Variants in RFC3 observed in about 807,000 individuals in gnomAD.
RFC3 encodes A1 38 kDa subunit.
In RFC3, 41 loss-of-function variants were observed where a neutral mutation model predicts 45.1. That is an observed-to-expected ratio of 0.91 (90% CI 0.71 to 1.18). The LOEUF (loss-of-function observed/expected upper bound fraction) is 1.18, where lower values mean the gene tolerates loss of function less well. Ranked by LOEUF, RFC3 falls within the 50% of genes most tolerant of loss-of-function variation. The pLI, the probability that RFC3 is intolerant of heterozygous loss-of-function variation, is 0.00. For missense variants in RFC3, 423 were observed against 428.1 expected, an observed-to-expected ratio of 0.99 and a Z score of 0.10; for synonymous variants, 149 against 144.0, an observed-to-expected ratio of 1.03 and a Z score of -0.25.
At chr13:33,946,560 T>G (rs2082955719) in intron 8 of RFC3, among the ~76,000 whole-genome samples, 1 of 152,236 alleles carries the variant, frequency 6.6e-6, no homozygotes, top group African/African-American at 2.4e-5. Flanking sequence ...AAAATACTTT[T>G]AAGCATATAA....
chr13:33,951,150 C>T (rs1394862718), intron 8 of RFC3, among the ~76,000 whole-genome samples: 1 of 139,600 alleles, frequency 7.2e-6, no homozygotes, highest in Non-Finnish European at 1.5e-5. Flanking sequence ...TTGGTCTTGT[C>T]ATTCTAACTA....
chr13:33,897,934 C>A (rs1593675685), intron 8 of RFC3, among the ~76,000 whole-genome samples: 1 of 151,848 alleles, frequency 6.6e-6, no homozygotes, highest in South Asian at 2.1e-4. Context: ...TAACAATTGC[C>A]TGTATCAAAA....
chr13:33,951,294 G>T (rs1244582187), intron 8 of RFC3, among the ~76,000 whole-genome samples: 5 of 149,570 alleles, frequency 3.3e-5, no homozygotes, highest in South Asian at 2.1e-4. Context: ...GTGCAGTGGC[G>T]CGATCTCGGG....
downstream of RFC3, among the ~76,000 whole-genome samples, chr13:33,970,427 T>A (rs1222607453): frequency 6.6e-6 from 1 of 152,260 alleles, no homozygotes. Flanking sequence ...CAGAATGCTT[T>A]ATGTCCCTTT....
chr13:33,853,517 G>T (rs1381614798), intron 8 of RFC3, among the ~76,000 whole-genome samples: 2 of 152,158 alleles, frequency 1.3e-5, no homozygotes, highest in African/African-American at 4.8e-5. Context: ...GTGGTTAAAA[G>T]ATGGTACTTC....
intron 8 of RFC3, among the ~76,000 whole-genome samples, chr13:33,960,895 C>T (rs74921657): frequency 2.0e-5 from 3 of 152,242 alleles, no homozygotes; most frequent in African/African-American, 7.2e-5. Flanking sequence ...ATGATCTGAT[C>T]CCCCCCTCTT....
chr13:33,820,156 G>C (rs2081988769), intron 1 of RFC3, among the ~76,000 whole-genome samples: 1 of 152,116 alleles, frequency 6.6e-6, no homozygotes, highest in African/African-American at 2.4e-5. Flanking sequence ...CATAGCACTG[G>C]TTCCCAAACC....
intron 8 of RFC3, among the ~76,000 whole-genome samples, chr13:33,859,013 C>G (rs2082324291): frequency 6.6e-6 from 1 of 152,338 alleles, no homozygotes; most frequent in South Asian, 2.1e-4. Context: ...CCTTCTCTCC[C>G]TGACTTCTGG....
At chr13:33,959,115 T>C (rs1357994516) in intron 8 of RFC3, among the ~76,000 whole-genome samples, 2 of 152,142 alleles carry the variant, frequency 1.3e-5, no homozygotes, top group African/African-American at 2.4e-5. Context: ...ATCCACAGAG[T>C]GCCCTTTGGT....
At chr13:33,883,402 A>C (rs915621243) in intron 8 of RFC3, among the ~76,000 whole-genome samples, 1 of 152,236 alleles carries the variant, frequency 6.6e-6, no homozygotes, top group African/African-American at 2.4e-5. Context: ...AGGGTTATTA[A>C]AATGCCACAT....
chr13:33,829,568 A>G (rs908448930), intron 4 of RFC3: 53 of 379,222 alleles, frequency 1.4e-4, no homozygotes, highest in Non-Finnish European at 6.1e-5. Flanking sequence ...TCACAATATT[A>G]AAAACTCAGA....
intron 8 of RFC3, among the ~76,000 whole-genome samples, chr13:33,941,857 T>G (rs2082926314): frequency 6.6e-6 from 1 of 152,174 alleles, no homozygotes; most frequent in African/African-American, 2.4e-5. Context: ...TGTTATCAAT[T>G]GAGGACACTG....
chr13:33,957,254 G>A lies in RFC3; in HGVS notation c.880-8833G>A, dbSNP rs114750131. The stretch of plus-strand genomic sequence containing the variant: ...AAGCTGAAGATAGTAATTTATTTGC[G>A]TCAATTTTCCCAGAACCTCATTGGA... On this transcript the variant is annotated intron_variant, in intron 8 of 8. Coordinates refer to the RFC3 transcript ENST00000434425. Among the ~76,000 whole-genome samples, 402 of 152,204 alleles carry A rather than the reference G, an allele frequency of 2.6e-3. 6 individuals carry two copies. Among genetic ancestry groups the A allele is most frequent in the African/African-American group, 9.1e-3 (379 of 41,528 alleles).
intron 8 of RFC3, among the ~76,000 whole-genome samples, chr13:33,964,635 T>C (rs747494940): frequency 6.6e-6 from 1 of 152,194 alleles, no homozygotes; most frequent in Non-Finnish European, 1.5e-5. Flanking sequence ...GACAATCTTT[T>C]ACATTTTTAC....
chr13:33,965,685 C>A (rs1022190389), intron 8 of RFC3, among the ~76,000 whole-genome samples: 1 of 152,132 alleles, frequency 6.6e-6, no homozygotes, highest in Non-Finnish European at 1.5e-5. Flanking sequence ...GGAAGACAGT[C>A]CTCTAAAGGT....
chr13:33,935,806 C>A (rs1008938565), intron 8 of RFC3, among the ~76,000 whole-genome samples: 9 of 152,148 alleles, frequency 5.9e-5, no homozygotes, highest in Admixed American at 1.3e-4. Context: ...AACAAAAAAA[C>A]CAACCAATCA....
chr13:33,858,449 C>G (rs1235549324), intron 8 of RFC3, among the ~76,000 whole-genome samples: 1 of 152,158 alleles, frequency 6.6e-6, no homozygotes, highest in Non-Finnish European at 1.5e-5. Context: ...AGTCTGGCAA[C>G]TTGGCAAAAT....
At chr13:33,831,193 C>T in intron 6 of RFC3, 63 bp from the exon 7 acceptor site, 1 of 1,021,226 alleles carries the variant, frequency 9.8e-7, no homozygotes, top group Admixed American at 1.7e-5. Context: ...TGGTTGGGGA[C>T]TCCTGTTTTA....
chr13:33,897,230 A>G (rs928412714), intron 8 of RFC3, among the ~76,000 whole-genome samples: 2 of 152,098 alleles, frequency 1.3e-5, no homozygotes, highest in Non-Finnish European at 2.9e-5. Context: ...ATATAAAAAT[A>G]TGTAAATTGG....
Sources: gnomAD v4.1 joint callset for allele counts (sites outside exome capture counted in the v4.1 genomes callset) on GRCh38, gnomAD v4.1.1 for gene constraint, MANE v1.5 for transcripts, NCBI Gene and HGNC (gene_info 2026-07-23, HGNC 2026-07-21) for gene names.